SLC6A20: variants seen among roughly 807,000 people sequenced by gnomAD.
SLC6A20 encodes solute carrier family 6 member 20.
Under a neutral mutation model 64.3 loss-of-function variants are expected in SLC6A20, and 73 were observed. That is an observed-to-expected ratio of 1.14 (90% CI 0.94 to 1.38). The LOEUF (loss-of-function observed/expected upper bound fraction) is 1.38. SLC6A20 is among the 40% of genes most tolerant of loss of function. SLC6A20 has a pLI of 0.00. For synonymous variants in SLC6A20, 347 were observed against 329.6 expected, an observed-to-expected ratio of 1.05 and a Z score of -0.57; for missense variants, 725 against 772.8, an observed-to-expected ratio of 0.94 and a Z score of 0.73.
At chr3:45,792,417 G>A (rs72893653) in intron 1 of SLC6A20, among the ~76,000 whole-genome samples, 1,544 of 152,282 alleles carry the variant, frequency 0.01, 31 homozygotes, top group African/African-American at 0.035. Context: ...TGGGCATGTT[G>A]TGAAGACCAA....
At position 45,763,067 on chromosome 3, in the gene SLC6A20, C is replaced by T; in HGVS notation, c.1309G>A (p.Val437Met). 3 of 1,614,062 alleles carry T rather than the reference C, an allele frequency of 1.9e-6. No homozygotes were observed. The highest frequency in any genetic ancestry group is 2.5e-6 in the Non-Finnish European group (3 of 1,180,016). Residue 437 changes from valine to methionine, a missense_variant, in exon 9 of 11, where the codon GTG becomes ATG. Coordinates refer to ENST00000358525, the MANE Select transcript of SLC6A20 (RefSeq NM_020208.4). ...HLPKEAISGL[V>M]CLVNCAIGMV... ...CCAATGGCACAGTTGACAAGGCACA[C>T]CAGACCTGGGGGCCACAAGACCAGC...
At chr3:45,772,449 G>A (rs1394347046) in intron 5 of SLC6A20, 56 bp downstream of exon 5, 12 of 1,481,778 alleles carry the variant, frequency 8.1e-6, no homozygotes, top group African/African-American at 1.4e-5. Context: ...ACCCATCCTG[G>A]AAGGTGGCAG....
At chr3:45,795,876 C>A (rs975196584) in intron 1 of SLC6A20, among the ~76,000 whole-genome samples, 1 of 152,188 alleles carries the variant, frequency 6.6e-6, no homozygotes, top group African/African-American at 2.4e-5. Context: ...ATTTAAGTTT[C>A]GGATCTGAAA....
chr3:45,776,490 G>C (rs1176753424), intron 3 of SLC6A20, among the ~76,000 whole-genome samples: 1 of 152,146 alleles, frequency 6.6e-6, no homozygotes, highest in African/African-American at 2.4e-5. Flanking sequence ...AAGCAGATGA[G>C]AGTCTTACTG....
In SLC6A20 at chr3:45,759,857, C is replaced by G; in HGVS notation, c.1629G>C (p.Gln543His). Residue 543 changes from glutamine (Q) to histidine (H), a missense_variant and splice_region_variant, in exon 10 of 11, where the codon CAG (glutamine) becomes CAC (histidine). Transcript: ENST00000358525. ...CCAGCCCTACGGAGACAGTAGATACCTGGGAGGCGTCCCAGGCTTGATACT... is the reference window on the plus strand; with the variant it reads ...CCAGCCCTACGGAGACAGTAGATACGTGGGAGGCGTCCCAGGCTTGATACT... ...TLKYQAWDAS[Q>H]GQLVTKDYPA... is the part of the protein sequence containing the mutation. The G allele has an allele frequency of 6.2e-7, 1 of 1,612,554 alleles. No homozygotes were observed. The highest frequency in any genetic ancestry group is 8.5e-7 in the Non-Finnish European group (1 of 1,179,278).
intron 7 of SLC6A20, among the ~76,000 whole-genome samples, chr3:45,767,916 G>A (rs183399867): frequency 4.6e-5 from 7 of 152,286 alleles, no homozygotes; most frequent in Middle Eastern, 3.4e-3. Context: ...TTTCTACTCC[G>A]AGGAACAATG....
At chr3:45,760,117 G>C (rs1699643795) in intron 9 of SLC6A20, 95 bp from the exon 10 acceptor site, 1 of 1,367,940 alleles carries the variant, frequency 7.3e-7, no homozygotes, top group Admixed American at 2.2e-5. Flanking sequence ...GGAACATTCT[G>C]TTCTAGGTGG....
chr3:45,759,888 G>T lies in SLC6A20; in HGVS notation c.1598C>A (p.Thr533Asn). 6.2e-7 allele frequency: 1 copy of T among 1,614,094 alleles called. No homozygotes were observed. The highest frequency in any genetic ancestry group is 8.5e-7 in the Non-Finnish European group (1 of 1,180,000). The change falls in exon 10 of 11, where the codon ACC becomes AAC. Residue 533 changes from threonine (T) to asparagine (N), a missense_variant. By Grantham distance (65) the Thr-to-Asn change is moderately conservative. Coordinates refer to ENST00000358525, the MANE Select transcript of SLC6A20 (RefSeq NM_020208.4). The stretch of plus-strand genomic sequence containing the variant: ...GGCGTCCCAGGCTTGATACTTCAGG[G>T]TCCCCGTGAGGATGTAGTCGCTCAG... The part of the protein sequence containing the change: ...FYLSDYILTG[T>N]LKYQAWDASQ...
intron 1 of SLC6A20, among the ~76,000 whole-genome samples, chr3:45,787,771 G>A (rs1322821483): frequency 2.6e-5 from 4 of 152,172 alleles, no homozygotes; most frequent in Admixed American, 1.3e-4. Context: ...GTAGAGATGG[G>A]ATCTGCATGG....
chr3:45,796,155 T>G, intron 1 of SLC6A20, 144 bp downstream of exon 1: 2 of 1,459,800 alleles, frequency 1.4e-6, no homozygotes, highest in South Asian at 2.8e-5. Flanking sequence ...CTGGGAACAC[T>G]CCCGGGTCTG....
At chr3:45,785,647 T>TCTCTCTCTCTCTCTCTCTA in intron 1 of SLC6A20, among the ~76,000 whole-genome samples, 1 of 83,402 alleles carries the variant, frequency 1.2e-5, no homozygotes, top group South Asian at 5.2e-4. Flanking sequence ...CTCTCTCTCT[T>TCTCTCTCTCTCTCTCTCTA]CCCCCTATTA....
chr3:45,796,202 A>G, intron 1 of SLC6A20, 97 bp downstream of exon 1: 1 of 1,506,522 alleles, frequency 6.6e-7, no homozygotes, highest in Non-Finnish European at 8.9e-7. Context: ...TCCCGGCCTC[A>G]GTGTGCCGTT....
intron 6 of SLC6A20, 35 bp downstream of exon 6, chr3:45,771,182 G>T (rs946252104): frequency 6.2e-7 from 1 of 1,613,270 alleles, no homozygotes; most frequent in African/African-American, 1.3e-5. Context: ...AGAGCTCAGG[G>T]AGGCCTGGGA....
intron 1 of SLC6A20, among the ~76,000 whole-genome samples, chr3:45,787,639 C>G (rs976036540): frequency 6.6e-6 from 1 of 152,098 alleles, no homozygotes; most frequent in African/African-American, 2.4e-5. Context: ...GTCACCAGAT[C>G]ACTCAAAACT....
rs543096462 is a variant in SLC6A20, at chr3:45,768,734, C to G, written c.1098+1475G>C. On this transcript the variant is annotated intron_variant, in intron 7 of 10. Transcript: ENST00000358525. ...AACCAACCAACCACCCCAAAAATAT[C>G]AACCTCCAAAGTAGCTTACTAGCAA... Among the ~76,000 whole-genome samples, 10 of 152,332 alleles carry G rather than the reference C, an allele frequency of 6.6e-5. No homozygotes were observed. The South Asian group carries it at 2.1e-3, about 32-fold the overall frequency.
Position 45,796,341 on chromosome 3 carries a change from T to C in SLC6A20, c.79A>G (p.Asn27Asp), listed in dbSNP as rs371272274. The stretch of plus-strand genomic sequence containing the variant: ...CACAGGTACGGGAATCGCCACACGT[T>C]GCCCAGGCCCACGGCGTACGAGATG... ...ACISYAVGLG[N>D]VWRFPYLCQM... The change falls in exon 1 of 11, where the codon AAC becomes GAC. Residue 27 changes from asparagine (N) to aspartate (D), a missense_variant. Coordinates refer to ENST00000358525, the MANE Select transcript of SLC6A20 (RefSeq NM_020208.4). The C allele has an allele frequency of 2.5e-4, 404 of 1,612,254 alleles. No individual in the cohort carries two copies. Among genetic ancestry groups the C allele is most frequent in the Non-Finnish European group, 3.3e-4 (389 of 1,179,506 alleles).
intron 2 of SLC6A20, among the ~76,000 whole-genome samples, chr3:45,780,798 C>T (rs977561072): frequency 3.3e-5 from 5 of 152,270 alleles, no homozygotes; most frequent in South Asian, 2.1e-4. Flanking sequence ...TAGTAGAAAC[C>T]GGCCATGGTG....
chr3:45,775,872 C>T lies in SLC6A20; in HGVS notation c.471G>A (p.Ser157=), dbSNP rs761526265. 21 of 1,614,080 alleles carry T rather than the reference C, an allele frequency of 1.3e-5. No individual in the cohort carries two copies. The highest frequency in any genetic ancestry group is 3.3e-5 in the South Asian group (3 of 91,088). The change falls in exon 4 of 11, where the codon TCG becomes TCA. Residue 157 remains serine (S), a synonymous_variant. Transcript: ENST00000358525. The part of the protein sequence containing the change: ...YFWYRKTLNI[S]PSLQENGGVQ... ...CACCCCCGTTCTCCTGGAGGGACGG[C>T]GAGATATTGAGGGTTTTCCTGTACC...
chr3:45,789,687 G>C (rs1022814378), intron 1 of SLC6A20, among the ~76,000 whole-genome samples: 45 of 152,100 alleles, frequency 3.0e-4, no homozygotes, highest in African/African-American at 9.6e-4. Context: ...ATTACCTCTG[G>C]GTGGTGGAAT....
Sources: allele counts gnomAD v4.1 joint callset (sites outside exome capture counted in the v4.1 genomes callset), GRCh38; gene constraint gnomAD v4.1.1; transcripts MANE v1.5; gene names NCBI Gene and HGNC (gene_info 2026-07-23, HGNC 2026-07-21).